The following CD244 variants were observed in gnomAD, a reference collection of about 807,000 sequenced individuals.
The protein encoded by CD244 is natural killer cell receptor 2B4.
Under a neutral mutation model 45.5 loss-of-function variants are expected in CD244, and 20 were observed. The ratio of observed to expected loss-of-function variants is 0.44; its 90% CI spans 0.31 to 0.64. The LOEUF is 0.64. Ranked by LOEUF, CD244 falls within the 30% of genes least tolerant of loss-of-function variation. The probability of loss-of-function intolerance (pLI) is 0.08; values close to 1 mark genes in which losing one functional copy is unlikely to be tolerated. For missense variants in CD244, 407 were observed against 426.9 expected (o/e 0.95, Z 0.41); for synonymous variants, 185 against 160.5 (o/e 1.15, Z -1.15).
chr1:160,846,218 C>T (rs1014748080), intron 1 of CD244, among the ~76,000 whole-genome samples: 2 of 151,982 alleles, frequency 1.3e-5, no homozygotes, highest in South Asian at 4.1e-4. Context: ...CACTTTTCCT[C>T]CCAAGTCACC....
chr1:160,862,596 C>G (rs747382923), intron 1 of CD244, 21 bp downstream of exon 1: 46 of 1,610,556 alleles, frequency 2.9e-5, no homozygotes, highest in Non-Finnish European at 3.8e-5. Flanking sequence ...CCTCGCCCCA[C>G]GCCAGGTAGG....
Position 160,838,974 on chromosome 1 carries a change from C to T in CD244, c.731G>A (p.Cys244Tyr), listed in dbSNP as rs779675218. 7 of 1,614,076 alleles carry T rather than the reference C, an allele frequency of 4.3e-6. No individual in the cohort carries two copies. The highest frequency in any genetic ancestry group is 2.7e-5 in the African/African-American group (2 of 75,034). ...ALFLGTLACF[C>Y]VWRRKRKEKQ... ...CTCCTTCCTCTTTCTCCTCCACACA[C>T]AGAAGCAGGCAAGGGTGCCAAGGAA... The change falls in exon 4 of 9, where the codon TGT (cysteine) becomes TAT (tyrosine). Residue 244 changes from cysteine (C) to tyrosine (Y), a missense_variant. By Grantham distance (194) the Cys-to-Tyr change is radical (BLOSUM62 -2). Coordinates refer to ENST00000368034, the MANE Select transcript of CD244 (RefSeq NM_016382.4).
chr1:160,836,470 C>T (rs1164224654), intron 5 of CD244, among the ~76,000 whole-genome samples: 1 of 152,158 alleles, frequency 6.6e-6, no homozygotes, highest in Non-Finnish European at 1.5e-5. Flanking sequence ...AAGGAACCAC[C>T]TAGGTGTGAG....
chr1:160,834,048 C>T lies in CD244; in HGVS notation c.960+3G>A, dbSNP rs760113788. The T allele has an allele frequency of 6.8e-6, 11 of 1,608,008 alleles. No individual in the cohort carries two copies. Among genetic ancestry groups the T allele is most frequent in the Non-Finnish European group, 8.5e-6 (10 of 1,174,394 alleles). ...CCCACCACCACCACGGGAAGAGGCTCACCTTCCTGGAAGGCTGAATTAATG... is the reference window on the plus strand; with the variant it reads ...CCCACCACCACCACGGGAAGAGGCTTACCTTCCTGGAAGGCTGAATTAATG... On this transcript the variant is annotated splice_donor_region_variant and intron_variant, in intron 7 of 8. Transcript: ENST00000368034.
chr1:160,832,845 C>T, intron 7 of CD244: 2 of 440,684 alleles, frequency 4.5e-6, no homozygotes, highest in South Asian at 1.8e-5. Context: ...ACACCTAAAA[C>T]CCATACACAT....
rs112861746 is a variant in CD244, at chr1:160,862,423, C to A, written c.61+194G>T. Reference sequence around the variant, plus strand: ...GGATTGCTGGTGGCAGGGCCAGATACCCCTCTCACAGACCTCCCAGTGCAC... The same window carrying A: ...GGATTGCTGGTGGCAGGGCCAGATAACCCTCTCACAGACCTCCCAGTGCAC... On this transcript the variant is annotated intron_variant, in intron 1 of 8. Coordinates refer to ENST00000368034, the MANE Select transcript of CD244 (RefSeq NM_016382.4). Among the ~76,000 whole-genome samples the A allele has an allele frequency of 2.3e-3, 343 of 152,344 alleles. 1 individual carries two copies. Among genetic ancestry groups the A allele is most frequent in the Admixed American group, 3.9e-3 (60 of 15,300 alleles).
chr1:160,836,564 G>A (rs529998865), intron 5 of CD244, among the ~76,000 whole-genome samples: 11 of 152,310 alleles, frequency 7.2e-5, no homozygotes, highest in Admixed American at 2.6e-4. Flanking sequence ...AGAGCTCTGA[G>A]TAGGGCTGTT....
intron 5 of CD244, 148 bp downstream of exon 5, chr1:160,838,303 G>A: frequency 1.4e-6 from 1 of 708,534 alleles, no homozygotes; most frequent in Non-Finnish European, 2.6e-6. Context: ...TAGGAAGCAG[G>A]TGGAGAAAAG....
intron 1 of CD244, among the ~76,000 whole-genome samples, chr1:160,850,738 C>T (rs908230482): frequency 2.6e-5 from 4 of 152,192 alleles, no homozygotes; most frequent in South Asian, 2.1e-4. Context: ...CTGTGACCAA[C>T]GTGTGGGGAG....
In CD244 at chr1:160,843,021, G is replaced by A. The variant is rs144959889; in HGVS notation, c.62-1120C>T. On this transcript the variant is annotated intron_variant, in intron 1 of 8. Transcript: ENST00000368034. ...TGGGGAGAGTTTTACAAGTGGCTCC[G>A]TTAAAATGGAGGCTATTAAGAAGAG... 6.6e-5 allele frequency among the ~76,000 whole-genome samples: 10 copies of A among 152,278 alleles called. No homozygotes were observed. The East Asian group carries it at 9.6e-4, about 15-fold the overall frequency.
At chr1:160,861,693 C>A (rs1446395061) in intron 1 of CD244, among the ~76,000 whole-genome samples, 1 of 151,962 alleles carries the variant, frequency 6.6e-6, no homozygotes, top group African/African-American at 2.4e-5. Flanking sequence ...AAAAATTAGC[C>A]AAGCATGGTG....
chr1:160,847,473 G>A (rs1669775965), intron 1 of CD244, among the ~76,000 whole-genome samples: 1 of 152,076 alleles, frequency 6.6e-6, no homozygotes, highest in Admixed American at 6.5e-5. Context: ...TGTCAACAAA[G>A]TTCAAAGTAT....
chr1:160,840,098 A>G (rs939229946), intron 3 of CD244, among the ~76,000 whole-genome samples: 1 of 151,794 alleles, frequency 6.6e-6, no homozygotes, highest in African/African-American at 2.4e-5. Context: ...AGGCTCAGAG[A>G]GGTTAATGAA....
At position 160,862,688 on chromosome 1, in the gene CD244, C is replaced by A. The variant is rs1670353635; in HGVS notation, c.-11G>T. ...CACTTGCCCCAGCATTTCCACAGGA[C>A]AGAGGGGCCAGGCCAGCCCCTCCAC... On this transcript the variant is annotated 5_prime_UTR_variant, in exon 1 of 9. Coordinates refer to ENST00000368034, the MANE Select transcript of CD244 (RefSeq NM_016382.4). 6.2e-7 allele frequency: 1 copy of A among 1,613,410 alleles called. No individual in the cohort carries two copies.
chr1:160,860,062 C>T (rs1327527761), intron 1 of CD244, among the ~76,000 whole-genome samples: 1 of 152,026 alleles, frequency 6.6e-6, no homozygotes, highest in Admixed American at 6.6e-5. Context: ...CAAAAATTAG[C>T]CAGGCTTGGT....
intron 1 of CD244, among the ~76,000 whole-genome samples, chr1:160,861,084 C>T (rs538789528): frequency 6.6e-6 from 1 of 152,330 alleles, no homozygotes; most frequent in African/African-American, 2.4e-5. Context: ...CTCTGTTACT[C>T]TCATCCCCAC....
intron 3 of CD244, among the ~76,000 whole-genome samples, chr1:160,840,045 A>T (rs1169167748): frequency 6.9e-6 from 1 of 145,162 alleles, no homozygotes; most frequent in Non-Finnish European, 1.5e-5. Flanking sequence ...CCTGTGAGGT[A>T]CTTATTATCA....
chr1:160,853,023 C>CA (rs1221533877), intron 1 of CD244, among the ~76,000 whole-genome samples: 5 of 148,806 alleles, frequency 3.4e-5, no homozygotes, highest in East Asian at 1.9e-4. Flanking sequence ...AACTCCGTCT[C>CA]AAAAAAAAAG....
chr1:160,849,023 G>A (rs927154143), intron 1 of CD244, among the ~76,000 whole-genome samples: 3 of 152,186 alleles, frequency 2.0e-5, no homozygotes, highest in African/African-American at 7.2e-5. Context: ...GAGGGGTGGT[G>A]TTGGGGACTG....
Sources: gnomAD v4.1 joint callset for allele counts (sites outside exome capture counted in the v4.1 genomes callset) on GRCh38, gnomAD v4.1.1 for gene constraint, MANE v1.5 for transcripts, NCBI Gene and HGNC (gene_info 2026-07-23, HGNC 2026-07-21) for gene names.